The following TMPRSS15 variants were observed in gnomAD, a reference collection of about 807,000 sequenced individuals.
TMPRSS15 encodes transmembrane serine protease 15, also known as enteropeptidase.
Under a neutral mutation model 125.3 loss-of-function variants are expected in TMPRSS15, and 128 were observed. That is an observed-to-expected ratio of 1.02 (90% CI 0.89 to 1.18). TMPRSS15 has a LOEUF of 1.18. Among genes scored for constraint, TMPRSS15 ranks in the 50% most tolerant of loss-of-function variants. The pLI is 0.00. For missense variants in TMPRSS15, 1,283 were observed against 1,212.7 expected (o/e 1.06, Z -0.86); for synonymous variants, 446 against 423.2 (o/e 1.05, Z -0.66).
rs367778639 is a variant in TMPRSS15, at chr21:18,467,400, TATA to T, written c.10+18396_10+18398del. Among the ~76,000 whole-genome samples, 773 of 150,262 alleles carry T rather than the reference TATA, an allele frequency of 5.1e-3. 7 individuals carry two copies. Among genetic ancestry groups the T allele is most frequent in the African/African-American group, 0.018 (729 of 40,746 alleles). On this transcript the variant is annotated intron_variant, in intron 1 of 7. Coordinates refer to the TMPRSS15 transcript ENST00000422787. ...TGCACATGTATCCCAGAATGAAAAG[TATA>T]ATAATAATAATAATAATAATAAACT...
chr21:18,327,666 T>G (rs570055845), intron 15 of TMPRSS15, among the ~76,000 whole-genome samples: 1 of 152,318 alleles, frequency 6.6e-6, no homozygotes, highest in South Asian at 2.1e-4. Flanking sequence ...ACTGCATATC[T>G]ATTAGATCAG....
chr21:18,287,288 A>T (rs566630847), intron 21 of TMPRSS15, among the ~76,000 whole-genome samples: 38 of 152,270 alleles, frequency 2.5e-4, no homozygotes, highest in Middle Eastern at 6.8e-3. Context: ...AGCAGGAAGG[A>T]ATGAATATTA....
chr21:18,435,090 C>A (rs1974382), intron 1 of TMPRSS15, among the ~76,000 whole-genome samples: 17,720 of 151,742 alleles, frequency 0.12, 1,154 homozygotes, highest in African/African-American at 0.16. Flanking sequence ...ATTTTTTTTA[C>A]AAAAGATAAA....
At chr21:18,396,792 A>G (rs1601437147) in intron 3 of TMPRSS15, among the ~76,000 whole-genome samples, 3 of 112,792 alleles carry the variant, frequency 2.7e-5, no homozygotes, top group African/African-American at 1.0e-4. Context: ...AAAAAAAAAA[A>G]TCTGTCTGTC....
chr21:18,303,495 A>G (rs757675659), intron 18 of TMPRSS15, among the ~76,000 whole-genome samples: 20 of 152,178 alleles, frequency 1.3e-4, no homozygotes, highest in Non-Finnish European at 2.4e-4. Flanking sequence ...TTACAAGTTG[A>G]GCAGTTGGAA....
intron 7 of TMPRSS15, among the ~76,000 whole-genome samples, chr21:18,364,047 C>T (rs1601394054): frequency 6.6e-6 from 1 of 152,106 alleles, no homozygotes; most frequent in East Asian, 1.9e-4. Flanking sequence ...CACATCTCCT[C>T]TCTGGGATAT....
At chr21:18,295,704 A>G (rs1282576750) in intron 19 of TMPRSS15, among the ~76,000 whole-genome samples, 3 of 152,246 alleles carry the variant, frequency 2.0e-5, no homozygotes, top group African/African-American at 2.4e-5. Context: ...AAGGAAGTCT[A>G]TCTTTTTAGT....
intron 13 of TMPRSS15, among the ~76,000 whole-genome samples, chr21:18,334,524 A>AT (rs1280916852): frequency 2.0e-5 from 3 of 152,028 alleles, no homozygotes; most frequent in Admixed American, 2.0e-4. Flanking sequence ...TATATTAAGG[A>AT]TTTTTTGGAT....
intron 1 of TMPRSS15, among the ~76,000 whole-genome samples, chr21:18,463,797 A>G (rs1359950022): frequency 1.3e-5 from 2 of 152,200 alleles, no homozygotes; most frequent in Middle Eastern, 3.2e-3. Flanking sequence ...TAAGAAACTC[A>G]TTCAAAACCA....
intron 3 of TMPRSS15, among the ~76,000 whole-genome samples, chr21:18,391,661 G>A (rs2075991677): frequency 6.6e-6 from 1 of 152,296 alleles, no homozygotes; most frequent in African/African-American, 2.4e-5. Flanking sequence ...GATGTCAGTG[G>A]ATCTACCATT....
Position 18,365,177 on chromosome 21 carries a change from G to A in TMPRSS15, c.736C>T (p.Pro246Ser), listed in dbSNP as rs1487613637. 3 of 1,613,932 alleles carry A rather than the reference G, an allele frequency of 1.9e-6. No individual in the cohort carries two copies. The highest frequency in any genetic ancestry group is 2.5e-6 in the Non-Finnish European group (3 of 1,179,990). Residue 246 changes from proline (P) to serine (S), a missense_variant, in exon 7 of 25, where the codon CCT (proline) becomes TCT (serine). By Grantham distance (74) the Pro-to-Ser change is moderately conservative (BLOSUM62 -1). Transcript: ENST00000284885. ...GSFQATHYPK[P>S]SETSVVCQWI... ...TGGCAGACAACACTTGTTTCAGAAG[G>A]TTTTGGATAATGAGTAGCCTGGAAA...
chr21:18,422,388 T>C (rs911940434), intron 1 of TMPRSS15, among the ~76,000 whole-genome samples: 2 of 152,036 alleles, frequency 1.3e-5, no homozygotes, highest in Non-Finnish European at 2.9e-5. Flanking sequence ...AAAATCACAA[T>C]GTGGTTTACC....
intron 1 of TMPRSS15, among the ~76,000 whole-genome samples, chr21:18,479,630 T>C (rs1978943266): frequency 6.6e-6 from 1 of 151,732 alleles, no homozygotes; most frequent in Admixed American, 6.6e-5. Flanking sequence ...CCCACAAACA[T>C]GAAAAAAAGC....
chr21:18,307,461 T>C (rs921230019), intron 18 of TMPRSS15, among the ~76,000 whole-genome samples: 6 of 152,182 alleles, frequency 3.9e-5, no homozygotes, highest in African/African-American at 1.4e-4. Flanking sequence ...TCCACTCAGC[T>C]CAGGCCATTT....
Position 18,403,715 on chromosome 21 carries a change from T to C in TMPRSS15, c.-93A>G. 2.0e-6 allele frequency: 3 copies of C among 1,534,732 alleles called. No homozygotes were observed. The highest frequency in any genetic ancestry group is 1.8e-6 in the Non-Finnish European group (2 of 1,120,676). ...GAAAAATCTCTCAAATTTTTAAAGA[T>C]GTGTAAAGCAACAACCACCTGTCTA... On this transcript the variant is annotated 5_prime_UTR_variant, in exon 1 of 25. Transcript: ENST00000284885.
At chr21:18,422,134 C>T (rs952357531) in intron 1 of TMPRSS15, among the ~76,000 whole-genome samples, 1 of 152,004 alleles carries the variant, frequency 6.6e-6, no homozygotes, top group East Asian at 1.9e-4. Context: ...CAGGTGTGCA[C>T]CATCATGCTT....
intron 19 of TMPRSS15, among the ~76,000 whole-genome samples, chr21:18,297,228 A>G (rs1568990427): frequency 6.6e-6 from 1 of 152,228 alleles, no homozygotes; most frequent in Non-Finnish European, 1.5e-5. Context: ...CAAAAAGTAA[A>G]AGAGAATATG....
intron 1 of TMPRSS15, among the ~76,000 whole-genome samples, chr21:18,476,202 G>A (rs1268267138): frequency 1.3e-5 from 2 of 152,050 alleles, no homozygotes; most frequent in Non-Finnish European, 2.9e-5. Flanking sequence ...CTATTAAACA[G>A]CTGACTTAGG....
In TMPRSS15 at chr21:18,308,376, T is replaced by TACACACACACACAC. The variant is rs3138687; in HGVS notation, c.2165+4555_2165+4568dup. Among the ~76,000 whole-genome samples, 120 of 148,774 alleles carry TACACACACACACAC rather than the reference T, an allele frequency of 8.1e-4. 1 individual carries two copies. The highest frequency in any genetic ancestry group is 1.5e-3 in the Non-Finnish European group (98 of 67,016). ...GTTTATACTGTAGAATAAAAAGAAT[T>TACACACACACACAC]ACACACACACACACACACACACACA... On this transcript the variant is annotated intron_variant, in intron 18 of 24. Coordinates refer to ENST00000284885, the MANE Select transcript of TMPRSS15 (RefSeq NM_002772.3).
Sources: allele counts gnomAD v4.1 joint callset (sites outside exome capture counted in the v4.1 genomes callset), GRCh38; gene constraint gnomAD v4.1.1; transcripts MANE v1.5; gene names NCBI Gene and HGNC (gene_info 2026-07-23, HGNC 2026-07-21).